CHD1: variants seen among roughly 807,000 people sequenced by gnomAD.
CHD1 encodes the protein ATP-dependent chromatin remodeler CHD1.
A neutral mutation model predicts 224.2 loss-of-function variants in CHD1; 36 were observed. The ratio of observed to expected loss-of-function variants is 0.16; its 90% CI spans 0.12 to 0.21. The LOEUF is 0.21. CHD1 is among the 10% of genes least tolerant of loss of function. CHD1 has a pLI of 1.00. For synonymous variants in CHD1, 668 were observed against 658.3 expected (o/e 1.01, Z -0.23); for missense variants, 1,378 against 1,994.8 (o/e 0.69, Z 5.89).
intron 31 of CHD1, among the ~76,000 whole-genome samples, chr5:98,867,476 G>C (rs1045757985): frequency 6.6e-6 from 1 of 151,622 alleles, no homozygotes; most frequent in Non-Finnish European, 1.5e-5. Flanking sequence ...CATTCTTCTT[G>C]TATTTTTTAA....
chr5:98,878,270 G>C (rs1749909836), intron 23 of CHD1, among the ~76,000 whole-genome samples: 2 of 152,220 alleles, frequency 1.3e-5, no homozygotes, highest in Non-Finnish European at 2.9e-5. Context: ...CACCTTTGTG[G>C]AAACAGGAAG....
At chr5:98,877,766 G>A (rs1749870236) in intron 23 of CHD1, among the ~76,000 whole-genome samples, 1 of 152,064 alleles carries the variant, frequency 6.6e-6, no homozygotes, top group African/African-American at 2.4e-5. Flanking sequence ...GGGGTTTGGA[G>A]AAATAAACAG....
intron 8 of CHD1, among the ~76,000 whole-genome samples, chr5:98,899,118 A>G (rs1221961176): frequency 2.6e-5 from 4 of 152,156 alleles, no homozygotes; most frequent in African/African-American, 7.2e-5. Flanking sequence ...CAAGTCCCTT[A>G]TATGAAATGA....
chr5:98,873,602 C>A lies in CHD1; in HGVS notation c.3562G>T (p.Glu1188Ter). The change falls in exon 26 of 36, where the codon GAA becomes TAA. Residue 1188 changes from glutamate to a stop codon, truncating the protein, a stop_gained. Transcript: ENST00000614616. LOFTEE classifies it high-confidence loss of function. ...KALKDSSSGT[E>*]RTGGRLGKVK... is the part of the protein sequence containing the mutation. ...CTCAGTTTAATGTTACCTGTTCGTT[C>A]TGTTCCTGAAGAACTATCCTTTAAT... 6.3e-7 allele frequency: 1 copy of A among 1,595,170 alleles called. No individual in the cohort carries two copies. The highest frequency in any genetic ancestry group is 1.8e-5 in the Admixed American group (1 of 55,966).
chr5:98,912,165 T>C (rs1752466342), intron 2 of CHD1, among the ~76,000 whole-genome samples: 1 of 152,178 alleles, frequency 6.6e-6, no homozygotes, highest in South Asian at 2.1e-4. Context: ...AAATCTTCTT[T>C]GCAGGTAGTG....
chr5:98,860,983 C>T (rs985130428), intron 32 of CHD1, among the ~76,000 whole-genome samples: 8 of 151,980 alleles, frequency 5.3e-5, no homozygotes, highest in African/African-American at 1.9e-4. Context: ...CCTTTTTGTT[C>T]CTAAGTAAAT....
Position 98,856,089 on chromosome 5 carries a change from G to T in CHD1, c.*291C>A. On this transcript the variant is annotated 3_prime_UTR_variant, in exon 36 of 36. Coordinates refer to ENST00000614616, the MANE Select transcript of CHD1 (RefSeq NM_001270.4). ...ACTTAAAAACAGTTTTATCCAGCCT[G>T]TATGGGAGGGCAGTGTTGAGGTCCC... 1 of 215,142 alleles carries T rather than the reference G, an allele frequency of 4.6e-6. No individual in the cohort carries two copies. The highest frequency in any genetic ancestry group is 9.5e-6 in the Non-Finnish European group (1 of 105,076). 13.3% of individuals were successfully genotyped at this position (215,142 alleles called of 1,614,324 possible).
intron 1 of CHD1, among the ~76,000 whole-genome samples, chr5:98,928,296 G>T (rs895004589): frequency 5.3e-5 from 8 of 152,032 alleles, no homozygotes; most frequent in African/African-American, 1.9e-4. Flanking sequence ...GCACCAAGCC[G>T]AAGAGGCCGG....
At chr5:98,903,088 C>T (rs1225334117) in intron 4 of CHD1, 124 bp from the exon 5 acceptor site, 1 of 505,170 alleles carries the variant, frequency 2.0e-6, no homozygotes, top group Admixed American at 3.7e-5. Flanking sequence ...AGCCTTTTTT[C>T]AATGTAGTTT....
rs1485972282 is a variant in CHD1 at position 98,897,408 on chromosome 5, C to T, written c.1366-88G>A. 5.2e-6 allele frequency: 5 copies of T among 958,592 alleles called. No individual in the cohort carries two copies. In the African/African-American group the frequency reaches 8.4e-5, roughly 16 times the overall value. 59.4% of individuals were successfully genotyped at this position (958,592 alleles called of 1,614,324 possible). On this transcript the variant is annotated intron_variant, in intron 10 of 35. Coordinates refer to ENST00000614616, the MANE Select transcript of CHD1 (RefSeq NM_001270.4). Reference sequence around the variant, plus strand: ...GAAAGCCTCAGCTTTACCATAAATTCTTAAATTTCATCTCTAATCATCAAG... The same window carrying T: ...GAAAGCCTCAGCTTTACCATAAATTTTTAAATTTCATCTCTAATCATCAAG...
At position 98,898,647 on chromosome 5, in the gene CHD1, A is replaced by C. The variant is rs763251406; in HGVS notation, c.1186+17T>G. Reference sequence around the variant, plus strand: ...AAGCATAAAAAGAAAGTTTAACTAGAATCATTTATCACTAACCAATTATAC... The same window carrying C: ...AAGCATAAAAAGAAAGTTTAACTAGCATCATTTATCACTAACCAATTATAC... On this transcript the variant is annotated intron_variant, in intron 9 of 35. Coordinates refer to ENST00000614616, the MANE Select transcript of CHD1 (RefSeq NM_001270.4). 1.4e-6 allele frequency: 2 copies of C among 1,427,320 alleles called. No individual in the cohort carries two copies. The highest frequency in any genetic ancestry group is 2.5e-5 in the South Asian group (2 of 81,566). 88.4% of individuals were successfully genotyped at this position (1,427,320 alleles called of 1,614,324 possible). A position where few individuals can be genotyped will look rare whatever the true frequency, so the allele number is the denominator to read the frequency against.
At chr5:98,902,551 T>C (rs1751788229) in intron 5 of CHD1, among the ~76,000 whole-genome samples, 2 of 151,966 alleles carry the variant, frequency 1.3e-5, no homozygotes, top group African/African-American at 4.8e-5. Context: ...GCTATTAATA[T>C]AATTATAAGA....
chr5:98,904,871 C>A (rs1452410350), intron 3 of CHD1, 26 bp downstream of exon 3: 1 of 1,608,462 alleles, frequency 6.2e-7, no homozygotes, highest in Non-Finnish European at 8.5e-7. Context: ...AGCAATCTAC[C>A]TTTCATTGGG....
chr5:98,891,481 T>C (rs1751015525), intron 15 of CHD1, among the ~76,000 whole-genome samples: 1 of 152,156 alleles, frequency 6.6e-6, no homozygotes, highest in South Asian at 2.1e-4. Flanking sequence ...GAAATGGGGA[T>C]GACCAGAGAT....
Position 98,869,788 on chromosome 5 carries a change from A to C in CHD1, c.4073T>G (p.Leu1358Arg). 2 of 1,613,394 alleles carry C rather than the reference A, an allele frequency of 1.2e-6. No individual in the cohort carries two copies. The highest frequency in any genetic ancestry group is 2.2e-5 in the South Asian group (2 of 91,046). The stretch of plus-strand genomic sequence containing the variant: ...ATCTTCATCAGACTTCTCTGAAGGC[A>C]GAGGAGAAGAATCACTCTTTATTTC... Reference protein sequence around the residue: ...KEEIKSDSSPLPSEKSDEDDD... With the variant: ...KEEIKSDSSPRPSEKSDEDDD... Residue 1358 changes from leucine to arginine, a missense_variant, in exon 30 of 36, where the codon CTG becomes CGG. Physicochemically the swap from Leu to Arg is moderately radical, Grantham distance 102. Coordinates refer to ENST00000614616, the MANE Select transcript of CHD1 (RefSeq NM_001270.4).
chr5:98,891,224 C>T (rs778173334), intron 15 of CHD1, among the ~76,000 whole-genome samples: 3 of 152,190 alleles, frequency 2.0e-5, no homozygotes, highest in Middle Eastern at 6.8e-3. Context: ...CATGCACCCA[C>T]CACCACTCCT....
intron 2 of CHD1, among the ~76,000 whole-genome samples, chr5:98,907,099 C>G (rs1386835696): frequency 6.6e-6 from 1 of 152,104 alleles, no homozygotes; most frequent in Non-Finnish European, 1.5e-5. Context: ...GTTAACAAAT[C>G]AAAATTCTTA....
rs202202922 is a variant in CHD1, at chr5:98,885,571, T to C, written c.2568+7A>G. The C allele has an allele frequency of 1.0e-4, 162 of 1,543,200 alleles. No homozygotes were observed. The African/African-American group carries it at 2.1e-3, about 20-fold the overall frequency. On this transcript the variant is annotated splice_region_variant and intron_variant, in intron 18 of 35. Transcript: ENST00000614616. ...TTATTTATAATTTTAAAAGCACTAA[T>C]ACATACCTCTGATCCCTCAGCATTA...
In CHD1 at chr5:98,868,600, G is replaced by T; in HGVS notation, c.4143C>A (p.Ser1381=). Residue 1381 remains serine, a synonymous_variant, in exon 31 of 36, where the codon TCC becomes TCA. Transcript: ENST00000614616. The part of the protein sequence containing the change: ...SESKSDGRER[S]KKSSVSDAPV... ...GAGCATCTGACACTGAAGATTTCTTGGATCTTTCCCTACCATCAGACTTGG... is the reference window on the plus strand; with the variant it reads ...GAGCATCTGACACTGAAGATTTCTTTGATCTTTCCCTACCATCAGACTTGG... 6.2e-7 allele frequency: 1 copy of T among 1,604,838 alleles called. No individual in the cohort carries two copies.
Sources: allele counts gnomAD v4.1 joint callset (sites outside exome capture counted in the v4.1 genomes callset), GRCh38; gene constraint gnomAD v4.1.1; transcripts MANE v1.5; gene names NCBI Gene and HGNC (gene_info 2026-07-23, HGNC 2026-07-21).